Variants in PDK2 observed in about 807,000 individuals in gnomAD.
PDK2 encodes pyruvate dehydrogenase kinase, isozyme 2.
Under a neutral mutation model 50.4 loss-of-function variants are expected in PDK2, and 34 were observed. That is an observed-to-expected ratio of 0.68 (90% CI 0.51 to 0.90). The LOEUF is 0.90. PDK2 is among the 40% of genes least tolerant of loss of function. PDK2 has a pLI of 0.00. For synonymous variants in PDK2, 232 were observed against 216.0 expected (o/e 1.07, Z -0.65); for missense variants, 377 against 544.5 (o/e 0.69, Z 3.06).
At chr17:50,106,625 TC>T in intron 4 of PDK2, 168 bp from the exon 5 acceptor site, 2 of 639,064 alleles carry the variant, frequency 3.1e-6, no homozygotes, top group Non-Finnish European at 5.6e-6. Context: ...GCTGGAGGGG[TC>T]AGGGGTCAGG....
At chr17:50,096,259 C>T in intron 1 of PDK2, 3 of 985,484 alleles carry the variant, frequency 3.0e-6, no homozygotes, top group South Asian at 4.7e-5. Context: ...GCCGCCTATA[C>T]CTCCCTTGGC....
chr17:50,095,362 C>G lies in PDK2; in HGVS notation c.-74C>G, dbSNP rs1567710087. The stretch of plus-strand genomic sequence containing the variant: ...AAGGGTAGGGAGGAGGCGGCCGAAC[C>G]GCGTCGCTGGGCCGAAAGGTGCGCG... On this transcript the variant is annotated 5_prime_UTR_variant, in exon 1 of 11. Coordinates refer to ENST00000503176, the MANE Select transcript of PDK2 (RefSeq NM_002611.5). 4 of 1,107,018 alleles carry G rather than the reference C, an allele frequency of 3.6e-6. No individual in the cohort carries two copies. The highest frequency in any genetic ancestry group is 1.6e-5 in the African/African-American group (1 of 63,214). 68.6% of individuals were successfully genotyped at this position (1,107,018 alleles called of 1,614,324 possible).
chr17:50,102,402 C>T (rs969708294), intron 2 of PDK2, among the ~76,000 whole-genome samples: 1 of 152,220 alleles, frequency 6.6e-6, no homozygotes, highest in African/African-American at 2.4e-5. Flanking sequence ...GTGCCAGCAG[C>T]TGGGGCACTC....
At chr17:50,105,543 C>T in intron 3 of PDK2, 101 bp downstream of exon 3, 1 of 958,404 alleles carries the variant, frequency 1.0e-6, no homozygotes. Context: ...GAAGAAAAGA[C>T]CCCTGCCTTC....
At chr17:50,095,627 G>A (rs1384174568) in intron 1 of PDK2, 74 bp downstream of exon 1, 2 of 1,504,244 alleles carry the variant, frequency 1.3e-6, no homozygotes, top group Non-Finnish European at 1.8e-6. Context: ...GGGCTAGGGG[G>A]ACGGAGGAGA....
Position 50,095,407 on chromosome 17 carries a change from C to T in PDK2, c.-29C>T. 1.9e-6 allele frequency: 3 copies of T among 1,543,442 alleles called. No homozygotes were observed. The highest frequency in any genetic ancestry group is 2.7e-6 in the Non-Finnish European group (3 of 1,125,692). ...TGCGCGAGCGCTGCCCGCGCGGGGACCACAACCAAAGTCGCGGCCGCCGCA... is the reference window on the plus strand; with the variant it reads ...TGCGCGAGCGCTGCCCGCGCGGGGATCACAACCAAAGTCGCGGCCGCCGCA... On this transcript the variant is annotated 5_prime_UTR_variant, in exon 1 of 11. Transcript: ENST00000503176.
At chr17:50,107,975 T>C (rs1285506273) in intron 6 of PDK2, 181 bp from the exon 7 acceptor site, 1 of 623,990 alleles carries the variant, frequency 1.6e-6, no homozygotes, top group Non-Finnish European at 2.9e-6. Flanking sequence ...GGCCCAAGAA[T>C]TGAATGCATC....
chr17:50,109,813 G>C lies in PDK2; in HGVS notation c.1084-144G>C. On this transcript the variant is annotated intron_variant, in intron 10 of 10. Coordinates refer to ENST00000503176, the MANE Select transcript of PDK2 (RefSeq NM_002611.5). The surrounding 1 kb of genome is among the most constrained non-coding windows in gnomAD (Gnocchi z 5.0). ...CTGCTTGCTTGAATGGGCAGGAGCG[G>C]GACACAGGAGGGACCACCCTTTTGT... 1 of 880,770 alleles carries C rather than the reference G, an allele frequency of 1.1e-6. No homozygotes were observed. The highest frequency in any genetic ancestry group is 2.2e-5 in the South Asian group (1 of 46,406). The allele number at this position is 880,770 out of a possible 1,614,324, so 54.6% of individuals were successfully genotyped here.
At position 50,101,287 on chromosome 17, in the gene PDK2, C is replaced by A. The variant is rs1910214635; in HGVS notation, c.260+3723C>A. On this transcript the variant is annotated intron_variant, in intron 2 of 10. Coordinates refer to ENST00000503176, the MANE Select transcript of PDK2 (RefSeq NM_002611.5). This position sits in a 1 kb window ranked among gnomAD's most constrained non-coding sequence, Gnocchi z 4.2. The stretch of plus-strand genomic sequence containing the variant: ...GTCAGCCGCTCCTTGCATGACCGAG[C>A]AGGACCGACCACTTACTGCGCATGT... Among the ~76,000 whole-genome samples the A allele has an allele frequency of 6.6e-6, 1 of 152,156 alleles. No individual in the cohort carries two copies.
chr17:50,109,237 G>C lies in PDK2; in HGVS notation c.970-50G>C. On this transcript the variant is annotated intron_variant, in intron 9 of 10. Transcript: ENST00000503176. The surrounding 1 kb of genome is among the most constrained non-coding windows in gnomAD (Gnocchi z 5.0). Reference sequence around the variant, plus strand: ...CCTGCATCAGTCCCTGCAGCTCCAGGAGGCCCCTGCCAGCCTCCTCATCCT... The same window carrying C: ...CCTGCATCAGTCCCTGCAGCTCCAGCAGGCCCCTGCCAGCCTCCTCATCCT... The C allele has an allele frequency of 8.4e-7, 1 of 1,190,878 alleles. No individual in the cohort carries two copies. 73.8% of individuals were successfully genotyped at this position (1,190,878 alleles called of 1,614,324 possible).
chr17:50,107,654 C>T (rs1451175104), intron 6 of PDK2, among the ~76,000 whole-genome samples: 3 of 152,144 alleles, frequency 2.0e-5, no homozygotes, highest in African/African-American at 7.2e-5. Flanking sequence ...TTCTCGTGGA[C>T]CTTACATTTT....
chr17:50,101,293 C>T lies in PDK2; in HGVS notation c.260+3729C>T, dbSNP rs1462091595. Among the ~76,000 whole-genome samples, 7 of 152,154 alleles carry T rather than the reference C, an allele frequency of 4.6e-5. No individual in the cohort carries two copies. Among genetic ancestry groups the T allele is most frequent in the Admixed American group, 6.5e-5 (1 of 15,284 alleles). Reference sequence around the variant, plus strand: ...CGCTCCTTGCATGACCGAGCAGGACCGACCACTTACTGCGCATGTACTCGA... The same window carrying T: ...CGCTCCTTGCATGACCGAGCAGGACTGACCACTTACTGCGCATGTACTCGA... On this transcript the variant is annotated intron_variant, in intron 2 of 10. Transcript: ENST00000503176. This position sits in a 1 kb window ranked among gnomAD's most constrained non-coding sequence, Gnocchi z 4.2.
In PDK2 at chr17:50,108,084, T is replaced by C. The variant is rs576833093; in HGVS notation, c.686-72T>C. 70 of 1,287,676 alleles carry C rather than the reference T, an allele frequency of 5.4e-5. 3 individuals carry two copies. In the South Asian group the frequency reaches 8.8e-4, roughly 16 times the overall value. 79.8% of individuals were successfully genotyped at this position (1,287,676 alleles called of 1,614,324 possible). On this transcript the variant is annotated intron_variant, in intron 6 of 10. Coordinates refer to ENST00000503176, the MANE Select transcript of PDK2 (RefSeq NM_002611.5). ...TCAGAACTTTGTGGGAGGGGGTGCC[T>C]CCTTTGGGTAAGGTGGTTGAGCAGT...
At chr17:50,097,794 C>G (rs1341159140) in intron 2 of PDK2, 7 of 476,018 alleles carry the variant, frequency 1.5e-5, no homozygotes, top group Admixed American at 6.7e-5. Context: ...TTACCACCCA[C>G]CTTTCTCTGG....
chr17:50,102,103 A>G lies in PDK2; in HGVS notation c.261-3268A>G, dbSNP rs141510648. On this transcript the variant is annotated intron_variant, in intron 2 of 10. Coordinates refer to ENST00000503176, the MANE Select transcript of PDK2 (RefSeq NM_002611.5). ...CAGAGGCCAGCGCCACTCGTCCCCA[A>G]TCTCCCTTCTTAGGATCAAGAACCG... Among the ~76,000 whole-genome samples, 9 of 152,212 alleles carry G rather than the reference A, an allele frequency of 5.9e-5. No homozygotes were observed. In the East Asian group the frequency reaches 1.4e-3, roughly 23 times the overall value.
At chr17:50,095,663 G>A (rs1909895448) in intron 1 of PDK2, 110 bp downstream of exon 1, 1 of 1,483,540 alleles carries the variant, frequency 6.7e-7, no homozygotes, top group East Asian at 2.5e-5. Flanking sequence ...GACAGAGAAG[G>A]GTTGTTTGGA....
Position 50,108,386 on chromosome 17 carries a change from T to C in PDK2, c.830T>C (p.Val277Ala), listed in dbSNP as rs768658082. Residue 277 changes from valine (V) to alanine (A), a missense_variant, in exon 8 of 11, where the codon GTG becomes GCG. Coordinates refer to ENST00000503176, the MANE Select transcript of PDK2 (RefSeq NM_002611.5). ...ATTCTCCCACCCATCAAGGTCATGGTGGCCTTGGGTGAGGAAGATCTGTCC... is the reference window on the plus strand; with the variant it reads ...ATTCTCCCACCCATCAAGGTCATGGCGGCCTTGGGTGAGGAAGATCTGTCC... ...SLILPPIKVMVALGEEDLSIK... is the reference protein window; with the variant it reads ...SLILPPIKVMAALGEEDLSIK... 1.9e-6 allele frequency: 3 copies of C among 1,613,892 alleles called. No homozygotes were observed. The African/African-American group carries it at 4.0e-5, about 22-fold the overall frequency.
chr17:50,105,290 G>A lies in PDK2; in HGVS notation c.261-81G>A, dbSNP rs1910445933. The A allele has an allele frequency of 1.2e-5, 12 of 1,016,858 alleles. No homozygotes were observed. In the South Asian group the frequency reaches 1.7e-4, roughly 14 times the overall value. The allele number at this position is 1,016,858 out of a possible 1,614,324, so 63.0% of individuals were successfully genotyped here. A position where few individuals can be genotyped will look rare whatever the true frequency, so the allele number is the denominator to read the frequency against. On this transcript the variant is annotated intron_variant, in intron 2 of 10. Coordinates refer to ENST00000503176, the MANE Select transcript of PDK2 (RefSeq NM_002611.5). ...GGGCCCGCGTAGGAGCAGGACAAGA[G>A]CAAGGCCCAGTTGAATGAAGTGGGT...
intron 6 of PDK2, 23 bp downstream of exon 6, chr17:50,107,176 G>C: frequency 6.2e-7 from 1 of 1,606,318 alleles, no homozygotes; most frequent in Non-Finnish European, 8.5e-7. Context: ...GGCTGTGTAT[G>C]TGTCTGTCTT....
Sources: gnomAD v4.1 joint callset for allele counts (sites outside exome capture counted in the v4.1 genomes callset) on GRCh38, gnomAD v4.1.1 for gene constraint, Gnocchi (gnomAD v3.1) non-coding constraint, MANE v1.5 for transcripts, NCBI Gene and HGNC (gene_info 2026-07-23, HGNC 2026-07-21) for gene names.